The following FREM3 variants were observed in gnomAD, a reference collection of about 807,000 sequenced individuals.
FREM3 encodes the protein FRAS1 related extracellular matrix 3.
A neutral mutation model predicts 129.1 loss-of-function variants in FREM3; 105 were observed. The observed-to-expected ratio is 0.81, with a 90% CI of 0.69 to 0.96. The LOEUF is 0.96. Among genes scored for constraint, FREM3 ranks in the 40% least tolerant of loss-of-function variants. The probability of loss-of-function intolerance (pLI) is 0.00; values close to 1 mark genes in which losing one functional copy is unlikely to be tolerated. For synonymous variants in FREM3, 1,014 were observed against 1,044.9 expected, an observed-to-expected ratio of 0.97 and a Z score of 0.57; for missense variants, 2,593 against 2,666.3, an observed-to-expected ratio of 0.97 and a Z score of 0.61.
At chr4:143,640,393 C>T (rs1171953619) in intron 2 of FREM3, among the ~76,000 whole-genome samples, 1 of 152,148 alleles carries the variant, frequency 6.6e-6, no homozygotes. Context: ...ATAATTCAAC[C>T]CATGTATAGT....
At chr4:143,661,775 T>C (rs1739729188) in intron 2 of FREM3, among the ~76,000 whole-genome samples, 1 of 152,192 alleles carries the variant, frequency 6.6e-6, no homozygotes, top group Admixed American at 6.5e-5. Flanking sequence ...GCTCCTGTTA[T>C]TGGTCTATTT....
chr4:143,632,070 AG>A (rs1739150219), intron 2 of FREM3, among the ~76,000 whole-genome samples: 1 of 152,112 alleles, frequency 6.6e-6, no homozygotes, highest in African/African-American at 2.4e-5. Context: ...GTTATAGTCT[AG>A]GTTTTTGAAG....
intron 2 of FREM3, among the ~76,000 whole-genome samples, chr4:143,673,172 T>C (rs1338413004): frequency 2.6e-5 from 4 of 152,202 alleles, no homozygotes; most frequent in Admixed American, 6.5e-5. Flanking sequence ...GGCTGTCTGA[T>C]TTTTAGAATT....
chr4:143,646,849 A>T (rs1266196982), intron 2 of FREM3, among the ~76,000 whole-genome samples: 3 of 152,216 alleles, frequency 2.0e-5, no homozygotes, highest in Admixed American at 6.5e-5. Context: ...GACAACTGGC[A>T]GAGGTTGGAA....
Position 143,590,699 on chromosome 4 carries a change from C to G in FREM3, c.6029-4706G>C, listed in dbSNP as rs540388207. ...ATCAAGGATATTGGTCTAAAATTCT[C>G]TTTTTTTGCTGTGTCTCTGCCAGGC... On this transcript the variant is annotated intron_variant, in intron 6 of 7. Transcript: ENST00000329798. 8.5e-5 allele frequency among the ~76,000 whole-genome samples: 13 copies of G among 152,158 alleles called. No individual in the cohort carries two copies. In the East Asian group the frequency reaches 2.5e-3, roughly 29 times the overall value.
At chr4:143,681,974 C>T (rs1214854340) in intron 2 of FREM3, among the ~76,000 whole-genome samples, 1 of 151,854 alleles carries the variant, frequency 6.6e-6, no homozygotes, top group Non-Finnish European at 1.5e-5. Context: ...TGTTGGATGT[C>T]GCATAAATAT....
At position 143,695,652 on chromosome 4, in the gene FREM3, T is replaced by G; in HGVS notation, c.5024A>C (p.His1675Pro). Residue 1675 changes from histidine (H) to proline (P), a missense_variant, in exon 1 of 8, where the codon CAC (histidine) becomes CCC (proline). His to Pro is a moderately conservative substitution (Grantham distance 77). Coordinates refer to ENST00000329798, the MANE Select transcript of FREM3 (RefSeq NM_001168235.2). ...NRGAPALKRL[H>P]TGHMGFLITS... ...AATCAGGAAGCCCATGTGTCCAGTG[T>G]GAAGGCGCTTCAAGGCTGGGGCACC... 6.5e-7 allele frequency: 1 copy of G among 1,537,286 alleles called. No homozygotes were observed. The highest frequency in any genetic ancestry group is 2.4e-5 in the East Asian group (1 of 40,926).
chr4:143,662,924 T>G (rs1286458205), intron 2 of FREM3, among the ~76,000 whole-genome samples: 4 of 152,126 alleles, frequency 2.6e-5, no homozygotes, highest in Non-Finnish European at 5.9e-5. Context: ...TTTTTTGTTT[T>G]CCATTTGCTT....
At chr4:143,613,239 C>A (rs561623207) in intron 5 of FREM3, among the ~76,000 whole-genome samples, 1 of 152,268 alleles carries the variant, frequency 6.6e-6, no homozygotes, top group African/African-American at 2.4e-5. Flanking sequence ...TTGATGAGAA[C>A]AAAATGTGTT....
At chr4:143,606,971 G>C (rs1738677497) in intron 6 of FREM3, among the ~76,000 whole-genome samples, 1 of 152,050 alleles carries the variant, frequency 6.6e-6, no homozygotes, top group South Asian at 2.1e-4. Flanking sequence ...TGCAATGGCT[G>C]AAAGTTATTA....
chr4:143,647,753 G>A (rs11100798), intron 2 of FREM3, among the ~76,000 whole-genome samples: 75,720 of 151,954 alleles, frequency 0.5, 19,661 homozygotes, highest in East Asian at 0.71. Context: ...GTGCCTGGAT[G>A]TCCAGGCAGA....
chr4:143,622,421 T>C (rs1352996838), intron 4 of FREM3, among the ~76,000 whole-genome samples: 111 of 131,408 alleles, frequency 8.4e-4, no homozygotes, highest in Admixed American at 3.1e-3. Context: ...TTTTTTTTTT[T>C]CCCATTTTGG....
intron 2 of FREM3, among the ~76,000 whole-genome samples, chr4:143,672,622 A>G (rs1740020638): frequency 6.6e-6 from 1 of 152,116 alleles, no homozygotes; most frequent in South Asian, 2.1e-4. Context: ...GTATTTCTTG[A>G]ATTTGAATGT....
intron 6 of FREM3, among the ~76,000 whole-genome samples, chr4:143,587,906 C>G (rs1320748305): frequency 6.6e-6 from 1 of 152,204 alleles, no homozygotes; most frequent in Non-Finnish European, 1.5e-5. Flanking sequence ...CTAGATGGCA[C>G]CTTTGGACAA....
At chr4:143,687,056 A>C (rs1234198133) in intron 2 of FREM3, among the ~76,000 whole-genome samples, 1 of 152,142 alleles carries the variant, frequency 6.6e-6, no homozygotes, top group African/African-American at 2.4e-5. Context: ...ATTTTTTTCA[A>C]AGATATTATC....
rs567124082 is a variant in FREM3 at position 143,610,065 on chromosome 4, G to T, written c.6028+1214C>A. Among the ~76,000 whole-genome samples, 21 of 152,160 alleles carry T rather than the reference G, an allele frequency of 1.4e-4. No homozygotes were observed. In the South Asian group the frequency reaches 3.5e-3, roughly 26 times the overall value. On this transcript the variant is annotated intron_variant, in intron 6 of 7. Transcript: ENST00000329798. ...TTTTAATTCCAATGAAGAAATTTTTGAAAAGAAAAGTACATGACGAAGAAA... is the reference window on the plus strand; with the variant it reads ...TTTTAATTCCAATGAAGAAATTTTTTAAAAGAAAAGTACATGACGAAGAAA...
intron 7 of FREM3, among the ~76,000 whole-genome samples, chr4:143,580,039 C>A (rs1458418285): frequency 1.3e-5 from 2 of 152,130 alleles, no homozygotes; most frequent in African/African-American, 2.4e-5. Context: ...TGGGTTTATT[C>A]ACTCTTGGTT....
intron 6 of FREM3, among the ~76,000 whole-genome samples, chr4:143,606,338 C>T (rs953072806): frequency 2.0e-5 from 3 of 151,656 alleles, no homozygotes; most frequent in Admixed American, 2.0e-4. Context: ...CTAAATGGTA[C>T]CTGTGAGATT....
At chr4:143,663,762 T>C (rs1470145571) in intron 2 of FREM3, among the ~76,000 whole-genome samples, 1 of 152,130 alleles carries the variant, frequency 6.6e-6, no homozygotes, top group Non-Finnish European at 1.5e-5. Context: ...AGTCCCATAT[T>C]TCTTGGAGGC....
Sources: allele counts gnomAD v4.1 joint callset (sites outside exome capture counted in the v4.1 genomes callset), GRCh38; gene constraint gnomAD v4.1.1; transcripts MANE v1.5; gene names NCBI Gene and HGNC (gene_info 2026-07-23, HGNC 2026-07-21).